Variants in PAIP1 observed in about 807,000 individuals in gnomAD.
PAIP1 encodes the protein polyadenylate-binding protein-interacting protein 1.
A neutral mutation model predicts 61.3 loss-of-function variants in PAIP1; 16 were observed. That is an observed-to-expected ratio of 0.26 (90% CI 0.18 to 0.40). The LOEUF (loss-of-function observed/expected upper bound fraction) is 0.40. Ranked by LOEUF, PAIP1 falls within the 10% of genes least tolerant of loss-of-function variation. PAIP1 has a pLI of 1.00. For synonymous variants in PAIP1, 187 were observed against 226.2 expected, an observed-to-expected ratio of 0.83 and a Z score of 1.56; for missense variants, 416 against 600.9, an observed-to-expected ratio of 0.69 and a Z score of 3.22.
rs900813208 is a variant in PAIP1, at chr5:43,526,941, A to T, written c.*435T>A. The T allele has an allele frequency of 6.6e-6, 1 of 151,888 alleles. No individual in the cohort carries two copies. Among genetic ancestry groups the T allele is most frequent in the African/African-American group, 2.4e-5 (1 of 41,326 alleles). 9.4% of individuals were successfully genotyped at this position (151,888 alleles called of 1,614,324 possible). A position where few individuals can be genotyped will look rare whatever the true frequency, so the allele number is the denominator to read the frequency against. On this transcript the variant is annotated 3_prime_UTR_variant, in exon 11 of 11. Transcript: ENST00000306846. ...ATGATTCATATTTGAAATTCAATTC[A>T]TTGGGACACTAAATGTCAAACTAAA... is the stretch of plus-strand genomic sequence containing the variant.
chr5:43,536,130 G>A (rs1284692403), intron 6 of PAIP1, among the ~76,000 whole-genome samples: 4 of 152,140 alleles, frequency 2.6e-5, no homozygotes, highest in Admixed American at 2.6e-4. Context: ...AACCAAGATT[G>A]ATTATATCCA....
chr5:43,535,014 G>T (rs764555820), intron 7 of PAIP1, 44 bp from the exon 8 acceptor site: 21 of 1,012,082 alleles, frequency 2.1e-5, no homozygotes, highest in Non-Finnish European at 3.0e-5. Context: ...CACCATAAGG[G>T]CTGTCAGACC....
chr5:43,546,967 C>A (rs1026861591), intron 3 of PAIP1, among the ~76,000 whole-genome samples: 1 of 126,116 alleles, frequency 7.9e-6, no homozygotes, highest in Non-Finnish European at 1.6e-5. Context: ...CGCTTGAACC[C>A]GGGAGACGGA....
At chr5:43,543,310 C>CAAAAA (rs11427976) in intron 3 of PAIP1, among the ~76,000 whole-genome samples, 194 bp from the exon 4 acceptor site, 2 of 96,036 alleles carry the variant, frequency 2.1e-5, no homozygotes. Flanking sequence ...ACAATAAGTA[C>CAAAAA]AAAAAAAAAA....
At chr5:43,535,505 C>T (rs754417038) in intron 7 of PAIP1, 29 bp downstream of exon 7, 1 of 1,192,606 alleles carries the variant, frequency 8.4e-7, no homozygotes, top group South Asian at 1.2e-5. Flanking sequence ...TTGAGATGCA[C>T]TGGCTATTTA....
At chr5:43,548,235 C>T (rs1014849646) in intron 2 of PAIP1, among the ~76,000 whole-genome samples, 2 of 151,984 alleles carry the variant, frequency 1.3e-5, no homozygotes, top group African/African-American at 4.8e-5. Context: ...GATCCACTTA[C>T]GAATGAAATA....
intron 2 of PAIP1, among the ~76,000 whole-genome samples, chr5:43,554,570 T>C (rs769102925): frequency 3.9e-5 from 6 of 151,946 alleles, no homozygotes; most frequent in Non-Finnish European, 8.8e-5. Context: ...CTGTCAAATA[T>C]GGAAGGAGAG....
At position 43,555,993 on chromosome 5, in the gene PAIP1, G is replaced by C. The variant is rs562316321; in HGVS notation, c.272C>G (p.Thr91Arg). 3.1e-6 allele frequency: 5 copies of C among 1,609,274 alleles called. No homozygotes were observed. Among genetic ancestry groups the C allele is most frequent in the East Asian group, 4.5e-5 (2 of 44,818 alleles). Residue 91 changes from threonine to arginine, a missense_variant, in exon 2 of 11, where the codon ACG becomes AGG. Physicochemically the swap from Thr to Arg is moderately conservative, Grantham distance 71. Transcript: ENST00000306846. ...PSRPGALPEQTRPLRAPPSSQ... is the reference protein window; with the variant it reads ...PSRPGALPEQRRPLRAPPSSQ... Reference sequence around the variant, plus strand: ...ACTAGGTGGAGCTCTCAGGGGCCTCGTTTGCTCTGCAAAAGAAAAAAAAAC... The same window carrying C: ...ACTAGGTGGAGCTCTCAGGGGCCTCCTTTGCTCTGCAAAAGAAAAAAAAAC...
At chr5:43,537,908 C>T (rs755552292) in intron 5 of PAIP1, among the ~76,000 whole-genome samples, 2 of 148,826 alleles carry the variant, frequency 1.3e-5, no homozygotes, top group Non-Finnish European at 1.5e-5. Flanking sequence ...GCAGGAGAAT[C>T]GCTTGAACCC....
At chr5:43,536,762 C>T in intron 6 of PAIP1, 57 bp downstream of exon 6, 1 of 905,780 alleles carries the variant, frequency 1.1e-6, no homozygotes, top group South Asian at 1.6e-5. Flanking sequence ...ATAGACTAAC[C>T]TTCCTCTAAA....
chr5:43,550,855 A>AAAAAAAAAAAAAAAAC, intron 2 of PAIP1, among the ~76,000 whole-genome samples: 1 of 113,462 alleles, frequency 8.8e-6, no homozygotes, highest in Non-Finnish European at 1.8e-5. Context: ...AAAAAAAAAA[A>AAAAAAAAAAAAAAAAC]AAAAGCAAAA....
At chr5:43,551,204 C>A (rs1747854778) in intron 2 of PAIP1, among the ~76,000 whole-genome samples, 1 of 152,032 alleles carries the variant, frequency 6.6e-6, no homozygotes, top group African/African-American at 2.4e-5. Context: ...TGCATGGTCA[C>A]AAAACTGATT....
chr5:43,548,284 G>A (rs1747726128), intron 2 of PAIP1, among the ~76,000 whole-genome samples: 1 of 152,074 alleles, frequency 6.6e-6, no homozygotes, highest in African/African-American at 2.4e-5. Context: ...GGGAAGTATG[G>A]ACTAGGGATA....
At chr5:43,537,059 C>T in intron 5 of PAIP1, 115 bp from the exon 6 acceptor site, 3 of 620,884 alleles carry the variant, frequency 4.8e-6, no homozygotes, top group South Asian at 5.5e-5. Flanking sequence ...ACAAAAGTCA[C>T]AGGAACACAC....
At chr5:43,536,128 T>C (rs1001065041) in intron 6 of PAIP1, among the ~76,000 whole-genome samples, 2 of 152,184 alleles carry the variant, frequency 1.3e-5, no homozygotes, top group African/African-American at 4.8e-5. Flanking sequence ...AAAACCAAGA[T>C]TGATTATATC....
At chr5:43,536,672 T>C in intron 6 of PAIP1, 147 bp downstream of exon 6, 1 of 479,718 alleles carries the variant, frequency 2.1e-6, no homozygotes, top group South Asian at 4.1e-5. Context: ...TATATCTCGC[T>C]TTTCCAAAAT....
At position 43,536,670 on chromosome 5, in the gene PAIP1, G is replaced by A. The variant is rs1476313999; in HGVS notation, c.972+149C>T. On this transcript the variant is annotated intron_variant, in intron 6 of 10. Transcript: ENST00000306846. ...ATATATTAAACAATAAGTATATCTC[G>A]CTTTTCCAAAATATTCGAGAAAAAA... The A allele has an allele frequency of 1.7e-5, 8 of 468,790 alleles. No individual in the cohort carries two copies. The East Asian group carries it at 1.8e-4, about 10-fold the overall frequency. 29.0% of individuals were successfully genotyped at this position (468,790 alleles called of 1,614,324 possible).
chr5:43,539,622 T>C (rs1283474000), intron 4 of PAIP1, among the ~76,000 whole-genome samples: 3 of 152,156 alleles, frequency 2.0e-5, no homozygotes, highest in Non-Finnish European at 4.4e-5. Flanking sequence ...ACCGGACTTG[T>C]TTTCTATTTC....
rs199774546 is a variant in PAIP1 at position 43,547,918 on chromosome 5, G to A, written c.436-5C>T. On this transcript the variant is annotated splice_region_variant and splice_polypyrimidine_tract_variant and intron_variant, in intron 2 of 10. Coordinates refer to ENST00000306846, the MANE Select transcript of PAIP1 (RefSeq NM_006451.5). Reference sequence around the variant, plus strand: ...ACAACCATCCTCATAGGATTCCTACGGATCAAAAATGAAAAAACAATTTTA... The same window carrying A: ...ACAACCATCCTCATAGGATTCCTACAGATCAAAAATGAAAAAACAATTTTA... The A allele has an allele frequency of 1.2e-4, 194 of 1,588,226 alleles. No individual in the cohort carries two copies. The highest frequency in any genetic ancestry group is 1.5e-4 in the Non-Finnish European group (172 of 1,165,678).
Sources: gnomAD v4.1 joint callset for allele counts (sites outside exome capture counted in the v4.1 genomes callset) on GRCh38, gnomAD v4.1.1 for gene constraint, MANE v1.5 for transcripts, NCBI Gene and HGNC (gene_info 2026-07-23, HGNC 2026-07-21) for gene names.